The following EVA1C variants were observed in gnomAD, a reference collection of about 807,000 sequenced individuals.
EVA1C encodes eva-1 homolog C, also known as protein eva-1 homolog C.
A neutral mutation model predicts 45.4 loss-of-function variants in EVA1C; 25 were observed. The observed-to-expected ratio is 0.55, with a 90% confidence interval of 0.40 to 0.77. EVA1C has a LOEUF of 0.77. EVA1C is among the 30% of genes least tolerant of loss of function. The pLI is 0.00. For missense variants in EVA1C, 479 were observed against 554.8 expected, an observed-to-expected ratio of 0.86 and a Z score of 1.37; for synonymous variants, 190 against 221.2, an observed-to-expected ratio of 0.86 and a Z score of 1.25.
chr21:32,448,386 C>T (rs765648715), intron 1 of EVA1C, among the ~76,000 whole-genome samples: 2 of 152,146 alleles, frequency 1.3e-5, no homozygotes, highest in Non-Finnish European at 2.9e-5. Flanking sequence ...TTTTTGTTTA[C>T]ATATCCAAAG....
intron 4 of EVA1C, among the ~76,000 whole-genome samples, chr21:32,477,559 A>G (rs2146336840): frequency 6.6e-6 from 1 of 152,102 alleles, no homozygotes; most frequent in East Asian, 1.9e-4. Flanking sequence ...GGACTGGCTC[A>G]TGGGTGGGTG....
chr21:32,506,645 G>C (rs549782190), intron 7 of EVA1C, among the ~76,000 whole-genome samples: 1 of 152,246 alleles, frequency 6.6e-6, no homozygotes, highest in East Asian at 1.9e-4. Context: ...CTATGTCGCT[G>C]TCTGGGTGGC....
chr21:32,449,691 G>A (rs527294530), intron 1 of EVA1C, among the ~76,000 whole-genome samples: 1 of 151,056 alleles, frequency 6.6e-6, no homozygotes, highest in East Asian at 2.0e-4. Flanking sequence ...GCACGATCTC[G>A]GCTCACTGCA....
chr21:32,428,055 TA>T (rs1242864787), intron 1 of EVA1C, among the ~76,000 whole-genome samples: 2 of 152,066 alleles, frequency 1.3e-5, no homozygotes, highest in Non-Finnish European at 2.9e-5. Context: ...TATATATTTT[TA>T]AAAAAGAACT....
chr21:32,467,158 A>T (rs1336222387), intron 3 of EVA1C, among the ~76,000 whole-genome samples: 1 of 152,106 alleles, frequency 6.6e-6, no homozygotes, highest in African/African-American at 2.4e-5. Flanking sequence ...GTCTCTAAAG[A>T]ACTAAACTAA....
chr21:32,464,271 G>T (rs1837521050), intron 3 of EVA1C, among the ~76,000 whole-genome samples: 1 of 152,158 alleles, frequency 6.6e-6, no homozygotes, highest in African/African-American at 2.4e-5. Flanking sequence ...CCTCGTGGAG[G>T]TTCTTCCTGC....
intron 2 of EVA1C, among the ~76,000 whole-genome samples, chr21:32,455,587 A>G (rs1234024578): frequency 6.6e-6 from 1 of 152,056 alleles, no homozygotes; most frequent in Non-Finnish European, 1.5e-5. Context: ...CTTGGATCCC[A>G]GGCTACCTGC....
At chr21:32,486,027 C>T (rs1425114658) in intron 4 of EVA1C, among the ~76,000 whole-genome samples, 1 of 152,238 alleles carries the variant, frequency 6.6e-6, no homozygotes, top group Non-Finnish European at 1.5e-5. Context: ...CAGAGATATA[C>T]TTTTAGAAGT....
intron 1 of EVA1C, among the ~76,000 whole-genome samples, chr21:32,417,220 C>A: frequency 6.6e-6 from 1 of 152,204 alleles, no homozygotes; most frequent in East Asian, 1.9e-4. Context: ...GCTAGGGCTG[C>A]CATAACAGTG....
intron 3 of EVA1C, among the ~76,000 whole-genome samples, chr21:32,458,588 TCTC>T (rs1477193078): frequency 6.6e-6 from 1 of 151,888 alleles, no homozygotes; most frequent in African/African-American, 2.4e-5. Context: ...TTCAGGCAGT[TCTC>T]CTGCCTCAGC....
intron 7 of EVA1C, 62 bp from the exon 8 acceptor site, chr21:32,514,752 C>A: frequency 1.3e-6 from 2 of 1,488,248 alleles, no homozygotes; most frequent in Non-Finnish European, 1.8e-6. Context: ...TTCTGTGGGA[C>A]TTGGCACTGG....
Position 32,453,322 on chromosome 21 carries a change from C to A in EVA1C, c.171C>A (p.Thr57=). 6.3e-7 allele frequency: 1 copy of A among 1,590,404 alleles called. No individual in the cohort carries two copies. The highest frequency in any genetic ancestry group is 8.6e-7 in the Non-Finnish European group (1 of 1,162,324). The change falls in exon 2 of 8, where the codon ACC becomes ACA. Residue 57 remains threonine (T), a synonymous_variant. Transcript: ENST00000300255. ...SALTDFSGYL[T]KLLQNHTTYA... The stretch of plus-strand genomic sequence containing the variant: ...CTGAATATTTTCCAGGTTACCTAAC[C>A]AAACTCCTGCAAAACCACACCACCT...
rs8128908 is a variant in EVA1C, at chr21:32,452,161, C to T, written c.161-1151C>T. On this transcript the variant is annotated intron_variant, in intron 1 of 7. Transcript: ENST00000300255. This position sits in a 1 kb window ranked among gnomAD's most constrained non-coding sequence, Gnocchi z 4.0. ...TCCCTCAGGATGGGCATCCACACAT[C>T]CAGGGGACACTCACCCCGATTTTTT... The T allele has an allele frequency of 0.31, 46,664 of 152,178 alleles. 7,505 individuals are homozygous for T. The highest frequency in any genetic ancestry group is 0.48 in the East Asian group (2,464 of 5,186). The allele number at this position is 152,178 out of a possible 1,614,324, so 9.4% of individuals were successfully genotyped here. A position where few individuals can be genotyped will look rare whatever the true frequency, so the allele number is the denominator to read the frequency against.
rs1943866440 is a variant in EVA1C, at chr21:32,502,133, C to T, written c.859+638C>T. Among the ~76,000 whole-genome samples, 4 of 150,708 alleles carry T rather than the reference C, an allele frequency of 2.7e-5. No homozygotes were observed. The East Asian group carries it at 5.9e-4, about 22-fold the overall frequency. On this transcript the variant is annotated intron_variant, in intron 6 of 7. Coordinates refer to ENST00000300255, the MANE Select transcript of EVA1C (RefSeq NM_058187.5). ...TCTTCTTTTTCTTTGGAGTTTCGCT[C>T]TTGTCGCCCAGGCTGGAGTGCAATG...
intron 4 of EVA1C, among the ~76,000 whole-genome samples, chr21:32,472,025 T>C (rs781248665): frequency 1.3e-5 from 2 of 152,184 alleles, no homozygotes; most frequent in African/African-American, 2.4e-5. Flanking sequence ...GTAACATCCC[T>C]GTCAGTTGTT....
At chr21:32,513,854 T>G (rs2038049739) in intron 7 of EVA1C, among the ~76,000 whole-genome samples, 1 of 152,188 alleles carries the variant, frequency 6.6e-6, no homozygotes, top group Non-Finnish European at 1.5e-5. Context: ...TTTTGTATTT[T>G]ATATTACAGT....
rs1042877629 is a variant in EVA1C, at chr21:32,412,869, C to T, written c.16C>T (p.Arg6Cys). 1.3e-6 allele frequency: 2 copies of T among 1,494,982 alleles called. No individual in the cohort carries two copies. Among genetic ancestry groups the T allele is most frequent in the Non-Finnish European group, 1.8e-6 (2 of 1,128,186 alleles). 92.6% of individuals were successfully genotyped at this position (1,494,982 alleles called of 1,614,324 possible). MLLPG[R>C]ARQPPTPQPV... The stretch of plus-strand genomic sequence containing the variant: ...GCAGCGCACGATGCTTCTGCCGGGA[C>T]GCGCACGCCAACCGCCGACGCCCCA... Residue 6 changes from arginine to cysteine, a missense_variant, in exon 1 of 8, where the codon CGC becomes TGC. Physicochemically the swap from Arg to Cys is radical, Grantham distance 180 (BLOSUM62 -3). Transcript: ENST00000300255.
At chr21:32,507,584 G>A (rs1601066931) in intron 7 of EVA1C, among the ~76,000 whole-genome samples, 1 of 151,864 alleles carries the variant, frequency 6.6e-6, no homozygotes, top group South Asian at 2.1e-4. Context: ...GTGTATATGT[G>A]TGTGCATGTG....
At position 32,474,563 on chromosome 21, in the gene EVA1C, G is replaced by C. The variant is rs1047270032; in HGVS notation, c.634+6715G>C. ...TTTGTTGGACTTTCTCCACAGCATG[G>C]AGATAGACCATGGTATGTGTGTGTG... On this transcript the variant is annotated intron_variant, in intron 4 of 7. Transcript: ENST00000300255. The surrounding 1 kb of genome is among the most constrained non-coding windows in gnomAD (Gnocchi z 4.4). 1.3e-5 allele frequency among the ~76,000 whole-genome samples: 2 copies of C among 152,208 alleles called. No homozygotes were observed. The highest frequency in any genetic ancestry group is 4.8e-5 in the African/African-American group (2 of 41,452).
Sources: gnomAD v4.1 joint callset for allele counts (sites outside exome capture counted in the v4.1 genomes callset) on GRCh38, gnomAD v4.1.1 for gene constraint, Gnocchi (gnomAD v3.1) non-coding constraint, MANE v1.5 for transcripts, NCBI Gene and HGNC (gene_info 2026-07-23, HGNC 2026-07-21) for gene names.